DNAAF4: variants seen among roughly 807,000 people sequenced by gnomAD.
DNAAF4 encodes the protein dynein assembly factor 4, axonemal.
DNAAF4 carries 43 observed loss-of-function variants against 51.8 expected under a neutral mutation model. The ratio of observed to expected loss-of-function variants is 0.83; its 90% confidence interval spans 0.65 to 1.07. The LOEUF is 1.07. DNAAF4 is among the 50% of genes least tolerant of loss of function. The pLI, the probability that DNAAF4 is intolerant of heterozygous loss-of-function variation, is 0.00. For missense variants in DNAAF4, 581 were observed against 493.0 expected, an observed-to-expected ratio of 1.18 and a Z score of -1.69; for synonymous variants, 194 against 165.6, an observed-to-expected ratio of 1.17 and a Z score of -1.32.
intron 7 of DNAAF4, among the ~76,000 whole-genome samples, chr15:55,425,164 C>A (rs959202378): frequency 2.0e-5 from 3 of 152,242 alleles, no homozygotes; most frequent in Non-Finnish European, 4.4e-5. Context: ...CACGCTCAGC[C>A]ACATACTTTG....
intron 5 of DNAAF4, among the ~76,000 whole-genome samples, chr15:55,455,525 G>C (rs971959117): frequency 6.6e-6 from 1 of 151,552 alleles, no homozygotes; most frequent in African/African-American, 2.4e-5. Context: ...TCTTCCTCCT[G>C]GGTTCAAGTG....
chr15:55,420,981 C>G (rs7174186), intron 7 of DNAAF4, among the ~76,000 whole-genome samples: 149,348 of 152,016 alleles, frequency 0.98, 73,410 homozygotes, highest in East Asian at 1. Context: ...TTGAGGTCAG[C>G]AGGTCGAGAC....
At chr15:55,451,988 T>G (rs1305917387) in intron 5 of DNAAF4, among the ~76,000 whole-genome samples, 1 of 152,014 alleles carries the variant, frequency 6.6e-6, no homozygotes, top group African/African-American at 2.4e-5. Flanking sequence ...GGCTCACACC[T>G]GTAATCCTAG....
At chr15:55,429,692 C>T (rs2057468005), downstream of DNAAF4, among the ~76,000 whole-genome samples, 1 of 151,302 alleles carries the variant, frequency 6.6e-6, no homozygotes. Context: ...TGGCAGGCGC[C>T]TGTAGTCCCA....
intron 5 of DNAAF4, among the ~76,000 whole-genome samples, chr15:55,465,508 C>T (rs919615096): frequency 4.0e-5 from 6 of 150,044 alleles, no homozygotes; most frequent in African/African-American, 7.4e-5. Context: ...GAGTTGGAGA[C>T]GATTATGCTA....
At chr15:55,473,198 A>AAAAAAAAATATATATAT (rs1209754897) in intron 4 of DNAAF4, among the ~76,000 whole-genome samples, 1 of 75,750 alleles carries the variant, frequency 1.3e-5, no homozygotes, top group African/African-American at 5.4e-5. Context: ...AAAAAAAAAA[A>AAAAAAAAATATATATAT]ATATATATAT....
At chr15:55,454,074 G>A (rs537076890) in intron 5 of DNAAF4, among the ~76,000 whole-genome samples, 1 of 151,990 alleles carries the variant, frequency 6.6e-6, no homozygotes. Flanking sequence ...GCCAAGACAG[G>A]TAGATCGCTT....
intron 7 of DNAAF4, among the ~76,000 whole-genome samples, chr15:55,435,931 G>C (rs913083203): frequency 6.6e-6 from 1 of 152,126 alleles, no homozygotes; most frequent in Admixed American, 6.6e-5. Context: ...TGGGATTACA[G>C]GCATGTACCA....
chr15:55,478,039 T>C (rs1197687791), intron 4 of DNAAF4, among the ~76,000 whole-genome samples: 4 of 152,194 alleles, frequency 2.6e-5, no homozygotes, highest in African/African-American at 9.6e-5. Flanking sequence ...AAGCAGGAGC[T>C]AGATGAAGAC....
Position 55,498,374 on chromosome 15 carries a change from G to C in DNAAF4, c.-45C>G. 1 of 1,582,054 alleles carries C rather than the reference G, an allele frequency of 6.3e-7. No homozygotes were observed. The highest frequency in any genetic ancestry group is 1.1e-5 in the South Asian group (1 of 88,708). ...GATAGCGCGGCTGGTTGCTTCTTGC[G>C]CCTGCTTGGTTGCTAGGGAAGCTGG... On this transcript the variant is annotated 5_prime_UTR_variant, in exon 2 of 10. Transcript: ENST00000321149.
rs567797807 is a variant in DNAAF4 at position 55,500,810 on chromosome 15, T to C, written c.-255-2226A>G. 4.0e-5 allele frequency among the ~76,000 whole-genome samples: 6 copies of C among 151,836 alleles called. No individual in the cohort carries two copies. The South Asian group carries it at 6.2e-4, about 16-fold the overall frequency. On this transcript the variant is annotated intron_variant, in intron 1 of 9. Coordinates refer to ENST00000321149, the MANE Select transcript of DNAAF4 (RefSeq NM_130810.4). ...GAGTTCAAGACCAGCCTGACGAACA[T>C]AGAGAAAGCTCGTTTCTACTAAAAA...
rs1315726363 is a variant in DNAAF4 at position 55,472,964 on chromosome 15, G to T, written c.406-5803C>A. ...GCAAATTACTTGAAGTCAGGAGTTA[G>T]AGACCAGCCTGGCCAAAATGGTGAT... On this transcript the variant is annotated intron_variant, in intron 4 of 9. Coordinates refer to ENST00000321149, the MANE Select transcript of DNAAF4 (RefSeq NM_130810.4). Among the ~76,000 whole-genome samples the T allele has an allele frequency of 2.6e-5, 4 of 151,548 alleles. No homozygotes were observed. In the East Asian group the frequency reaches 7.8e-4, roughly 30 times the overall value.
Position 55,439,588 on chromosome 15 carries a change from T to C in DNAAF4, c.784-7A>G, listed in dbSNP as rs563358099. On this transcript the variant is annotated splice_region_variant and splice_polypyrimidine_tract_variant and intron_variant, in intron 6 of 9. Transcript: ENST00000321149. ...CAGCTTGTTTGTGTAGCCACTAGAA[T>C]GAGAAAGAAGTCTTATGAAGAATAA... The C allele has an allele frequency of 5.6e-6, 9 of 1,611,698 alleles. No individual in the cohort carries two copies. The South Asian group carries it at 9.9e-5, about 18-fold the overall frequency.
chr15:55,475,924 T>G (rs1052791847), intron 4 of DNAAF4, among the ~76,000 whole-genome samples: 4 of 152,114 alleles, frequency 2.6e-5, no homozygotes, highest in African/African-American at 9.7e-5. Context: ...AATGGAAAGA[T>G]TATGTAAATG....
chr15:55,456,856 G>A (rs1054904597), intron 5 of DNAAF4, among the ~76,000 whole-genome samples: 4 of 152,210 alleles, frequency 2.6e-5, no homozygotes, highest in African/African-American at 9.7e-5. Context: ...GAGCCCTATA[G>A]GTACTTCCAT....
At chr15:55,453,034 C>T (rs562659669) in intron 5 of DNAAF4, among the ~76,000 whole-genome samples, 1 of 152,204 alleles carries the variant, frequency 6.6e-6, no homozygotes, top group East Asian at 1.9e-4. Context: ...ATCATGTTGG[C>T]CAGGCTGGTC....
chr15:55,433,995 A>AATATTATATATATTATATAT (rs2057564653), intron 8 of DNAAF4, among the ~76,000 whole-genome samples: 4 of 33,290 alleles, frequency 1.2e-4, no homozygotes, highest in Admixed American at 7.5e-4. Flanking sequence ...TAATATATAT[A>AATATTATATATATTATATAT]ATATTATATA....
intron 5 of DNAAF4, among the ~76,000 whole-genome samples, 178 bp downstream of exon 5, chr15:55,466,751 GA>G (rs2058176436): frequency 6.6e-6 from 1 of 152,108 alleles, no homozygotes; most frequent in African/African-American, 2.4e-5. Context: ...CATTTTATTA[GA>G]AAACTTCATT....
At chr15:55,506,674 G>GA (rs969885997) in intron 1 of DNAAF4, among the ~76,000 whole-genome samples, 1 of 151,754 alleles carries the variant, frequency 6.6e-6, no homozygotes, top group African/African-American at 2.4e-5. Flanking sequence ...CAACTTCATA[G>GA]AAAAAAACCT....
Sources: allele counts gnomAD v4.1 joint callset (sites outside exome capture counted in the v4.1 genomes callset), GRCh38; gene constraint gnomAD v4.1.1; transcripts MANE v1.5; gene names NCBI Gene and HGNC (gene_info 2026-07-23, HGNC 2026-07-21).